LRRC4C: variants seen among roughly 807,000 people sequenced by gnomAD.
LRRC4C encodes leucine-rich repeat-containing protein 4C.
LRRC4C carries 5 observed loss-of-function variants against 33.6 expected under a neutral mutation model. That is an observed-to-expected ratio of 0.15 (90% CI 0.08 to 0.31). The LOEUF (loss-of-function observed/expected upper bound fraction) is 0.31. Among genes scored for constraint, LRRC4C ranks in the 10% least tolerant of loss-of-function variants. The pLI, the probability that LRRC4C is intolerant of heterozygous loss-of-function variation, is 1.00. For synonymous variants in LRRC4C, 329 were observed against 302.0 expected (o/e 1.09, Z -0.93); for missense variants, 560 against 796.7 (o/e 0.70, Z 3.58).
intron 1 of LRRC4C, among the ~76,000 whole-genome samples, chr11:41,167,441 CA>C (rs1944780728): frequency 6.6e-6 from 1 of 152,090 alleles, no homozygotes; most frequent in African/African-American, 2.4e-5. Context: ...ATTTTATTAT[CA>C]AAAATTGTAG....
intron 4 of LRRC4C, among the ~76,000 whole-genome samples, chr11:40,260,981 A>G (rs1377151325): frequency 6.6e-6 from 1 of 152,132 alleles, no homozygotes; most frequent in Admixed American, 6.6e-5. Context: ...TCTGGGCTCA[A>G]GTAATATTCC....
intron 5 of LRRC4C, among the ~76,000 whole-genome samples, chr11:40,221,422 G>A (rs1864409847): frequency 6.6e-6 from 1 of 152,070 alleles, no homozygotes; most frequent in African/African-American, 2.4e-5. Context: ...TGCAGTAATT[G>A]ACATCAATGG....
At chr11:40,563,828 G>A (rs1159588364) in intron 3 of LRRC4C, among the ~76,000 whole-genome samples, 1 of 152,100 alleles carries the variant, frequency 6.6e-6, no homozygotes, top group Non-Finnish European at 1.5e-5. Flanking sequence ...CTTTCAAATA[G>A]TACTTTCCCT....
intron 5 of LRRC4C, among the ~76,000 whole-genome samples, chr11:40,218,035 G>T (rs1864102199): frequency 6.6e-6 from 1 of 152,068 alleles, no homozygotes; most frequent in Admixed American, 6.6e-5. Context: ...TTATATTGTG[G>T]CTAAGTGTCA....
chr11:41,309,848 A>G (rs1300991158), intron 1 of LRRC4C, among the ~76,000 whole-genome samples: 3 of 152,222 alleles, frequency 2.0e-5, no homozygotes, highest in Non-Finnish European at 4.4e-5. Flanking sequence ...CTTATCTTAC[A>G]TGCTCTACAT....
intron 3 of LRRC4C, among the ~76,000 whole-genome samples, chr11:40,366,679 T>C (rs539549949): frequency 1.3e-5 from 2 of 152,172 alleles, no homozygotes; most frequent in African/African-American, 4.8e-5. Flanking sequence ...ATATATGGCA[T>C]TTATGCACAT....
intron 2 of LRRC4C, among the ~76,000 whole-genome samples, chr11:40,863,745 A>C (rs910636583): frequency 6.6e-6 from 1 of 152,216 alleles, no homozygotes; most frequent in African/African-American, 2.4e-5. Context: ...TCTTGTTGCT[A>C]TTCATTAAAT....
chr11:41,103,677 T>C (rs557284306), intron 1 of LRRC4C, among the ~76,000 whole-genome samples: 2 of 152,090 alleles, frequency 1.3e-5, no homozygotes, highest in Middle Eastern at 3.4e-3. Flanking sequence ...AATGCCAGCA[T>C]AATATTTAAA....
chr11:40,320,798 A>T (rs774070576), intron 3 of LRRC4C, among the ~76,000 whole-genome samples: 1 of 152,164 alleles, frequency 6.6e-6, no homozygotes, highest in Non-Finnish European at 1.5e-5. Context: ...GTATGTTTTG[A>T]TATGGGTAGA....
At chr11:40,659,518 C>A (rs900715655) in intron 2 of LRRC4C, among the ~76,000 whole-genome samples, 1 of 152,066 alleles carries the variant, frequency 6.6e-6, no homozygotes, top group Non-Finnish European at 1.5e-5. Flanking sequence ...GCCCATGGAC[C>A]AATCAGCATG....
chr11:40,458,945 G>C (rs1486472708), intron 3 of LRRC4C, among the ~76,000 whole-genome samples: 1 of 150,970 alleles, frequency 6.6e-6, no homozygotes, highest in East Asian at 1.9e-4. Flanking sequence ...TTTAAAAGGA[G>C]GAAGATAAAA....
intron 4 of LRRC4C, among the ~76,000 whole-genome samples, chr11:40,294,453 C>T (rs1033416390): frequency 8.5e-5 from 13 of 152,088 alleles, no homozygotes; most frequent in Non-Finnish European, 1.8e-4. Flanking sequence ...TATCACCAAA[C>T]ACACAAAGCT....
At chr11:41,298,699 A>C (rs1452608125) in intron 1 of LRRC4C, among the ~76,000 whole-genome samples, 2 of 152,124 alleles carry the variant, frequency 1.3e-5, no homozygotes, top group Non-Finnish European at 2.9e-5. Context: ...ACATAGATAC[A>C]ATTTGTACTG....
intron 1 of LRRC4C, among the ~76,000 whole-genome samples, chr11:41,020,936 A>G (rs1855918077): frequency 6.6e-6 from 1 of 152,132 alleles, no homozygotes; most frequent in African/African-American, 2.4e-5. Context: ...TCATCTGTCA[A>G]GCCTCAGCTG....
chr11:41,356,593 G>C (rs1952169594), intron 1 of LRRC4C, among the ~76,000 whole-genome samples: 1 of 152,014 alleles, frequency 6.6e-6, no homozygotes, highest in South Asian at 2.1e-4. Context: ...TGCCATTTTT[G>C]GCATGACTTT....
chr11:40,999,263 C>T (rs1311721743), intron 1 of LRRC4C, among the ~76,000 whole-genome samples: 2 of 151,762 alleles, frequency 1.3e-5, no homozygotes, highest in Non-Finnish European at 2.9e-5. Context: ...TGTGTCTAGC[C>T]CCCACCTCTG....
intron 1 of LRRC4C, among the ~76,000 whole-genome samples, chr11:41,239,131 C>G (rs1295545726): frequency 7.1e-6 from 1 of 140,652 alleles, no homozygotes; most frequent in Non-Finnish European, 1.5e-5. Flanking sequence ...CTGGCCAACA[C>G]GGTGAAACCC....
In LRRC4C at chr11:40,492,282, C is replaced by T. The variant is rs184283047; in HGVS notation, c.-270+155860G>A. ...TATTACTTGAGTCATATTTCTAGAA[C>T]CTTTTATTACTTTAATGATTGGTTA... On this transcript the variant is annotated intron_variant, in intron 3 of 6. Transcript: ENST00000528697. Among the ~76,000 whole-genome samples the T allele has an allele frequency of 2.7e-3, 412 of 152,140 alleles. 3 individuals are homozygous for T. Among genetic ancestry groups the T allele is most frequent in the South Asian group, 0.017 (82 of 4,814 alleles).
chr11:40,657,617 C>A (rs2136189927), intron 2 of LRRC4C, among the ~76,000 whole-genome samples: 1 of 152,328 alleles, frequency 6.6e-6, no homozygotes, highest in South Asian at 2.1e-4. Flanking sequence ...AGGCCTCTCC[C>A]AGATTGGAGT....
Sources: allele counts gnomAD v4.1 joint callset (sites outside exome capture counted in the v4.1 genomes callset), GRCh38; gene constraint gnomAD v4.1.1; transcripts MANE v1.5; gene names NCBI Gene and HGNC (gene_info 2026-07-23, HGNC 2026-07-21).